The following TUSC3 variants were observed in gnomAD, a reference collection of about 807,000 sequenced individuals.
The protein encoded by TUSC3 is dolichyl-diphosphooligosaccharide--protein glycosyltransferase subunit TUSC3.
TUSC3 carries 45 observed loss-of-function variants against 44.8 expected under a neutral mutation model. That is an observed-to-expected ratio of 1.00 (90% CI 0.79 to 1.29). TUSC3 has a LOEUF of 1.29. TUSC3 is among the 50% of genes most tolerant of loss of function. The pLI is 0.00. For missense variants in TUSC3, 519 were observed against 437.9 expected (o/e 1.19, Z -1.65); for synonymous variants, 212 against 152.9 (o/e 1.39, Z -2.85).
intron 2 of TUSC3, 57 bp downstream of exon 2, chr8:15,623,306 T>G: frequency 2.1e-6 from 3 of 1,444,482 alleles, no homozygotes; most frequent in Non-Finnish European, 2.8e-6. Context: ...ACATATATAT[T>G]TTTATGTTCA....
chr8:15,718,819 C>T (rs1319599861), intron 6 of TUSC3, among the ~76,000 whole-genome samples: 1 of 152,012 alleles, frequency 6.6e-6, no homozygotes, highest in Non-Finnish European at 1.5e-5. Flanking sequence ...TGAATTTGGA[C>T]ATTAAAATAA....
At chr8:15,773,782 A>T in the TUSC3 span, among the ~76,000 whole-genome samples, 2 of 151,958 alleles carry the variant, frequency 1.3e-5, no homozygotes, top group African/African-American at 2.4e-5. Context: ...ATCCAAAAAC[A>T]TACCCATAAC....
chr8:15,706,494 AT>A (rs1227621861), intron 6 of TUSC3, among the ~76,000 whole-genome samples: 1 of 152,032 alleles, frequency 6.6e-6, no homozygotes, highest in African/African-American at 2.4e-5. Context: ...CTTTGCTATT[AT>A]CATTCAGACA....
At chr8:15,582,888 C>T (rs901201000) in intron 1 of TUSC3, among the ~76,000 whole-genome samples, 2 of 152,242 alleles carry the variant, frequency 1.3e-5, no homozygotes, top group Non-Finnish European at 2.9e-5. Context: ...AGACCTACAA[C>T]CTTCTCTTTG....
At chr8:15,733,370 C>G (rs776387123) in intron 7 of TUSC3, 1 of 379,640 alleles carries the variant, frequency 2.6e-6, no homozygotes, top group African/African-American at 2.2e-5. Flanking sequence ...TTTTTCCTAA[C>G]TTGTTTCAAT....
chr8:15,695,634 C>G (rs1345630375), intron 6 of TUSC3, among the ~76,000 whole-genome samples: 2 of 152,110 alleles, frequency 1.3e-5, no homozygotes, highest in East Asian at 3.9e-4. Context: ...TAGAAGAAGA[C>G]AGGAAAATGT....
At position 15,478,277 on chromosome 8, in the gene TUSC3, T is replaced by G. The variant is rs576646629; in HGVS notation, n.92-5109T>G. 3.3e-5 allele frequency among the ~76,000 whole-genome samples: 5 copies of G among 152,176 alleles called. No individual in the cohort carries two copies. The East Asian group carries it at 5.8e-4, about 18-fold the overall frequency. Reference sequence around the variant, plus strand: ...TACCATGCCTGGCCTTTTTAAAATTTTATTCTTTTTTAAGTTCTGGGATAC... The same window carrying G: ...TACCATGCCTGGCCTTTTTAAAATTGTATTCTTTTTTAAGTTCTGGGATAC... On this transcript the variant is annotated intron_variant and non_coding_transcript_variant, in intron 1 of 5. Transcript: ENST00000503191.
chr8:15,733,754 T>C (rs1810819640), intron 7 of TUSC3: 1 of 153,058 alleles, frequency 6.5e-6, no homozygotes, highest in Non-Finnish European at 1.5e-5. Flanking sequence ...TCATTATCAG[T>C]GAAACTTTAA....
At chr8:15,476,827 A>G (rs755723172) in intron 1 of TUSC3, among the ~76,000 whole-genome samples, 1 of 152,242 alleles carries the variant, frequency 6.6e-6, no homozygotes, top group East Asian at 1.9e-4. Flanking sequence ...GTAGTGGCCC[A>G]CCATCAGTCT....
intron 6 of TUSC3, among the ~76,000 whole-genome samples, chr8:15,720,214 A>ACACACACACACT (rs1226058558): frequency 6.7e-6 from 1 of 148,626 alleles, no homozygotes; most frequent in East Asian, 2.0e-4. Flanking sequence ...ACACACACAC[A>ACACACACACACT]CACACACACA....
chr8:15,482,138 C>T lies in TUSC3; in HGVS notation n.92-1248C>T, dbSNP rs149214794. Among the ~76,000 whole-genome samples, 4 of 152,318 alleles carry T rather than the reference C, an allele frequency of 2.6e-5. No homozygotes were observed. The East Asian group carries it at 5.8e-4, about 22-fold the overall frequency. On this transcript the variant is annotated intron_variant and non_coding_transcript_variant, in intron 1 of 5. Transcript: ENST00000503191. ...CTTTGTTCATCCCTCGGAAACAACT[C>T]CTTATCTGTTTAAGTTTTACCATGA...
intron 5 of TUSC3, among the ~76,000 whole-genome samples, chr8:15,672,354 G>A (rs1383900249): frequency 6.6e-6 from 1 of 151,936 alleles, no homozygotes; most frequent in Non-Finnish European, 1.5e-5. Flanking sequence ...ACAGGAAACT[G>A]AGGCCCAAAG....
At chr8:15,443,762 A>G (rs1004372926) in intron 1 of TUSC3, among the ~76,000 whole-genome samples, 3 of 152,150 alleles carry the variant, frequency 2.0e-5, no homozygotes, top group Admixed American at 6.5e-5. Context: ...GGGCGCTACA[A>G]GATTCTCACC....
rs960419691 is a variant in TUSC3, at chr8:15,636,824, C to G, written c.308+13575C>G. On this transcript the variant is annotated intron_variant, in intron 2 of 10. Coordinates refer to ENST00000503731, the MANE Select transcript of TUSC3 (RefSeq NM_006765.4). Reference sequence around the variant, plus strand: ...AGGTGTTGGGCCTCCTTTTTGGGGTCAAGTCTGAAGAGATAGCAGTTTTTC... The same window carrying G: ...AGGTGTTGGGCCTCCTTTTTGGGGTGAAGTCTGAAGAGATAGCAGTTTTTC... Among the ~76,000 whole-genome samples the G allele has an allele frequency of 3.9e-5, 6 of 152,242 alleles. No individual in the cohort carries two copies. The East Asian group carries it at 1.2e-3, about 29-fold the overall frequency.
chr8:15,841,254 C>G, the TUSC3 span, among the ~76,000 whole-genome samples: 1 of 152,004 alleles, frequency 6.6e-6, no homozygotes, highest in Non-Finnish European at 1.5e-5. Flanking sequence ...ACTCTATATT[C>G]TAAAGGTTGA....
chr8:15,426,427 C>A (rs1799804633), intron 1 of TUSC3, among the ~76,000 whole-genome samples: 1 of 152,000 alleles, frequency 6.6e-6, no homozygotes, highest in South Asian at 2.1e-4. Flanking sequence ...TTATTGTATT[C>A]TTTATTGTAT....
intron 9 of TUSC3, among the ~76,000 whole-genome samples, chr8:15,755,782 G>T (rs1364553202): frequency 1.3e-5 from 2 of 152,012 alleles, no homozygotes; most frequent in Non-Finnish European, 2.9e-5. Context: ...GAAGAAATAT[G>T]ATTTCAGTAG....
intron 1 of TUSC3, among the ~76,000 whole-genome samples, chr8:15,479,346 G>C (rs988863588): frequency 5.3e-5 from 8 of 152,210 alleles, no homozygotes; most frequent in Admixed American, 5.2e-4. Flanking sequence ...TTTTTGTCAT[G>C]ATATTTTTGC....
intron 1 of TUSC3, among the ~76,000 whole-genome samples, chr8:15,466,719 T>G (rs1345818535): frequency 6.6e-6 from 1 of 152,088 alleles, no homozygotes; most frequent in African/African-American, 2.4e-5. Flanking sequence ...AATTCCTGTT[T>G]TTGTTGTTGC....
Sources: allele counts gnomAD v4.1 joint callset (sites outside exome capture counted in the v4.1 genomes callset), GRCh38; gene constraint gnomAD v4.1.1; transcripts MANE v1.5; gene names NCBI Gene and HGNC (gene_info 2026-07-23, HGNC 2026-07-21).